The following DSCAM variants were observed in gnomAD, a reference collection of about 807,000 sequenced individuals.
DSCAM encodes the protein cell adhesion molecule DSCAM.
DSCAM carries 47 observed loss-of-function variants against 217.7 expected under a neutral mutation model. The observed-to-expected ratio is 0.22, with a 90% CI of 0.17 to 0.28. The LOEUF (loss-of-function observed/expected upper bound fraction) is 0.28, where lower values mean the gene tolerates loss of function less well. DSCAM is among the 10% of genes least tolerant of loss of function. DSCAM has a pLI of 1.00. For synonymous variants in DSCAM, 1,056 were observed against 1,015.3 expected (o/e 1.04, Z -0.76); for missense variants, 2,080 against 2,618.3 (o/e 0.79, Z 4.49).
chr21:40,244,197 T>A (rs1044885069), intron 11 of DSCAM, among the ~76,000 whole-genome samples: 9 of 152,202 alleles, frequency 5.9e-5, no homozygotes, highest in African/African-American at 1.9e-4. Context: ...ACGCCTGTAA[T>A]CCCAACACTT....
chr21:40,195,469 G>A (rs537625522), intron 11 of DSCAM, among the ~76,000 whole-genome samples: 163 of 152,264 alleles, frequency 1.1e-3, no homozygotes, highest in African/African-American at 3.7e-3. Flanking sequence ...AGAAGAAAGG[G>A]TGTCAAATGC....
intron 8 of DSCAM, among the ~76,000 whole-genome samples, chr21:40,322,343 T>A (rs914895260): frequency 6.6e-6 from 1 of 152,190 alleles, no homozygotes; most frequent in Non-Finnish European, 1.5e-5. Context: ...CCTGAATACA[T>A]TTTTAAAAAA....
intron 8 of DSCAM, among the ~76,000 whole-genome samples, chr21:40,331,960 C>T (rs1358197184): frequency 6.6e-6 from 1 of 152,080 alleles, no homozygotes; most frequent in African/African-American, 2.4e-5. Context: ...GAATGGTGAT[C>T]CACAGGCACT....
intron 11 of DSCAM, among the ~76,000 whole-genome samples, chr21:40,197,019 C>T (rs80154632): frequency 0.013 from 1,974 of 152,290 alleles, 47 homozygotes; most frequent in African/African-American, 0.045. Flanking sequence ...CACCAAACAC[C>T]GCCTTTAAAT....
At chr21:40,596,950 AAAAAT>A (rs1206100351) in intron 3 of DSCAM, among the ~76,000 whole-genome samples, 2 of 152,204 alleles carry the variant, frequency 1.3e-5, no homozygotes, top group Admixed American at 6.5e-5. Context: ...ATGTTATATT[AAAAAT>A]AAAATAAACA....
At chr21:40,533,748 CCCATCCAT>C (rs567984448) in intron 3 of DSCAM, among the ~76,000 whole-genome samples, 19 of 116,274 alleles carry the variant, frequency 1.6e-4, no homozygotes, top group African/African-American at 5.1e-4. Flanking sequence ...CATCCATCCA[CCCATCCAT>C]CCATCCATCC....
At chr21:40,254,305 G>T (rs975928766) in intron 11 of DSCAM, among the ~76,000 whole-genome samples, 5 of 151,536 alleles carry the variant, frequency 3.3e-5, no homozygotes, top group Admixed American at 2.6e-4. Context: ...GCAGGGGGAG[G>T]GTGGAATATC....
At chr21:40,471,678 T>C (rs2075889696) in intron 3 of DSCAM, among the ~76,000 whole-genome samples, 1 of 152,160 alleles carries the variant, frequency 6.6e-6, no homozygotes, top group Admixed American at 6.6e-5. Flanking sequence ...AGTAGCCTGG[T>C]TTCACACTCC....
intron 8 of DSCAM, among the ~76,000 whole-genome samples, chr21:40,320,089 T>C (rs2074243639): frequency 6.6e-6 from 1 of 152,172 alleles, no homozygotes; most frequent in African/African-American, 2.4e-5. Flanking sequence ...TAATGCATGC[T>C]GGGCTTAATA....
At chr21:40,128,764 G>A (rs2090124058) in intron 19 of DSCAM, among the ~76,000 whole-genome samples, 1 of 151,668 alleles carries the variant, frequency 6.6e-6, no homozygotes, top group African/African-American at 2.4e-5. Context: ...TCAGATGAGG[G>A]CACAGGCCCA....
chr21:40,587,120 T>C (rs1437549531), intron 3 of DSCAM, among the ~76,000 whole-genome samples: 1 of 152,158 alleles, frequency 6.6e-6, no homozygotes, highest in Non-Finnish European at 1.5e-5. Context: ...AGCGAATTAA[T>C]ACGTGTAATA....
At chr21:40,400,082 T>A (rs2075219631) in intron 3 of DSCAM, among the ~76,000 whole-genome samples, 1 of 152,132 alleles carries the variant, frequency 6.6e-6, no homozygotes, top group Non-Finnish European at 1.5e-5. Flanking sequence ...AGACTCAACC[T>A]TTCTCCCTGT....
intron 25 of DSCAM, among the ~76,000 whole-genome samples, chr21:40,079,203 G>A (rs540926667): frequency 6.6e-6 from 1 of 152,314 alleles, no homozygotes; most frequent in African/African-American, 2.4e-5. Context: ...TGCATGGGTG[G>A]AGGTTATTTT....
intron 4 of DSCAM, among the ~76,000 whole-genome samples, chr21:40,358,498 T>A (rs73229130): frequency 6.6e-6 from 1 of 152,032 alleles, no homozygotes; most frequent in East Asian, 1.9e-4. Context: ...AAAATCAACA[T>A]AATAAACTTC....
At chr21:40,432,287 G>T (rs1250279643) in intron 3 of DSCAM, among the ~76,000 whole-genome samples, 4 of 152,054 alleles carry the variant, frequency 2.6e-5, no homozygotes, top group Non-Finnish European at 5.9e-5. Flanking sequence ...GTGTTGGCAA[G>T]GCTGTTTTTT....
At chr21:40,630,967 G>C (rs919455693) in intron 3 of DSCAM, among the ~76,000 whole-genome samples, 14 of 152,128 alleles carry the variant, frequency 9.2e-5, no homozygotes, top group Non-Finnish European at 1.6e-4. Context: ...CTGGGGGTTG[G>C]AGCATCTGTC....
chr21:40,584,049 C>A (rs937331314), intron 3 of DSCAM, among the ~76,000 whole-genome samples: 14 of 151,996 alleles, frequency 9.2e-5, no homozygotes, highest in African/African-American at 3.4e-4. Flanking sequence ...CCCCCAAAAA[C>A]CTGTAGGGGA....
rs1203574906 is a variant in DSCAM, at chr21:40,042,519, C to G, written c.5538G>C (p.Gln1846His). The G allele has an allele frequency of 6.2e-7, 1 of 1,614,220 alleles. No individual in the cohort carries two copies. Among genetic ancestry groups the G allele is most frequent in the South Asian group, 1.1e-5 (1 of 91,080 alleles). Residue 1846 changes from glutamine (Q) to histidine (H), a missense_variant, in exon 32 of 33, where the codon CAG (glutamine) becomes CAC (histidine). Gln to His is a conservative substitution (Grantham distance 24). Coordinates refer to ENST00000400454, the MANE Select transcript of DSCAM (RefSeq NM_001389.5). ...TGTACTCATTTGTCCCTGCCGTCAACTGCTCCGATGACGTGTCTGATATGA... is the reference window on the plus strand; with the variant it reads ...TGTACTCATTTGTCCCTGCCGTCAAGTGCTCCGATGACGTGTCTGATATGA... Reference protein sequence around the residue: ...ECFISDTSSEQLTAGTNEYTD... With the variant: ...ECFISDTSSEHLTAGTNEYTD...
chr21:40,180,644 CA>C lies in DSCAM; in HGVS notation c.2780-1551del, dbSNP rs367659856. On this transcript the variant is annotated intron_variant, in intron 14 of 32. Coordinates refer to ENST00000400454, the MANE Select transcript of DSCAM (RefSeq NM_001389.5). ...TGCCAGGTGCCACAAGATGCAGAGA[CA>C]TTTGCTAAGTAGCCCCTGGAGGAAG... is the stretch of plus-strand genomic sequence containing the variant. Among the ~76,000 whole-genome samples the C allele has an allele frequency of 7.0e-3, 1,066 of 152,196 alleles. 15 individuals are homozygous for C. The highest frequency in any genetic ancestry group is 0.025 in the African/African-American group (1,032 of 41,536).
Sources: gnomAD v4.1 joint callset for allele counts (sites outside exome capture counted in the v4.1 genomes callset) on GRCh38, gnomAD v4.1.1 for gene constraint, MANE v1.5 for transcripts, NCBI Gene and HGNC (gene_info 2026-07-23, HGNC 2026-07-21) for gene names.